The following GABRB3 variants were observed in gnomAD, a reference collection of about 807,000 sequenced individuals.
GABRB3 encodes gamma-aminobutyric acid receptor subunit beta-3.
Under a neutral mutation model 52.1 loss-of-function variants are expected in GABRB3, and 14 were observed. The observed-to-expected ratio is 0.27, with a 90% CI of 0.18 to 0.42. GABRB3 has a LOEUF of 0.42. Ranked by LOEUF, GABRB3 falls within the 10% of genes least tolerant of loss-of-function variation. The pLI, the probability that GABRB3 is intolerant of heterozygous loss-of-function variation, is 1.00. For synonymous variants in GABRB3, 260 were observed against 232.3 expected, an observed-to-expected ratio of 1.12 and a Z score of -1.08; for missense variants, 307 against 609.1, an observed-to-expected ratio of 0.50 and a Z score of 5.22.
At chr15:26,662,077 T>C (rs975011008) in intron 3 of GABRB3, among the ~76,000 whole-genome samples, 2 of 152,160 alleles carry the variant, frequency 1.3e-5, no homozygotes, top group African/African-American at 4.8e-5. Context: ...TTAATAACCA[T>C]CAAAACACAA....
chr15:26,705,770 A>G (rs1032611714), intron 3 of GABRB3, among the ~76,000 whole-genome samples: 1 of 152,198 alleles, frequency 6.6e-6, no homozygotes, highest in South Asian at 2.1e-4. Context: ...GGGTAGATGA[A>G]TATGTTCATT....
upstream of GABRB3, chr15:26,773,634 C>G: frequency 4.5e-6 from 7 of 1,554,962 alleles, no homozygotes; most frequent in Non-Finnish European, 6.1e-6. Flanking sequence ...GCCGGGAAGC[C>G]CCCGCCTCAC....
At chr15:26,739,051 A>G (rs1473645238) in intron 3 of GABRB3, among the ~76,000 whole-genome samples, 1 of 152,178 alleles carries the variant, frequency 6.6e-6, no homozygotes, top group African/African-American at 2.4e-5. Flanking sequence ...TAGGAGCTCA[A>G]ATATGGGCTT....
intron 4 of GABRB3, among the ~76,000 whole-genome samples, chr15:26,592,534 G>A (rs931213712): frequency 2.0e-5 from 3 of 152,274 alleles, no homozygotes; most frequent in Admixed American, 6.5e-5. Context: ...CAAGAAGAAC[G>A]GGGAGGCAAA....
rs558336153 is a variant in GABRB3 at position 26,586,704 on chromosome 15, A to AAAAAAGAG, written c.462-3291_462-3290insCTCTTTTT. ...TCCATCTCAAAAAAAAAAAAAAAAA[A>AAAAAAGAG]AGAGAGAGAGAGAAAGCGAAGAAGG... On this transcript the variant is annotated intron_variant, in intron 4 of 8. Transcript: ENST00000311550. 1.3e-4 allele frequency among the ~76,000 whole-genome samples: 13 copies of AAAAAAGAG among 102,298 alleles called. No individual in the cohort carries two copies. The East Asian group carries it at 2.0e-3, about 16-fold the overall frequency. The allele number at this position is 102,298 out of a possible 152,430, so 67.1% of individuals were successfully genotyped here.
chr15:26,769,837 G>T lies in GABRB3; in HGVS notation c.240+2565C>A, dbSNP rs1891098722. Reference sequence around the variant, plus strand: ...ATGGGACTTGCCACATCCTACCTGTGAACAACCGTTTGTCATATCTGCTCT... The same window carrying T: ...ATGGGACTTGCCACATCCTACCTGTTAACAACCGTTTGTCATATCTGCTCT... On this transcript the variant is annotated intron_variant, in intron 3 of 8. Transcript: ENST00000311550. 3.9e-5 allele frequency among the ~76,000 whole-genome samples: 6 copies of T among 152,042 alleles called. No homozygotes were observed. In the South Asian group the frequency reaches 1.0e-3, roughly 26 times the overall value.
chr15:26,548,869 A>G (rs1342868488), intron 8 of GABRB3, among the ~76,000 whole-genome samples: 2 of 152,164 alleles, frequency 1.3e-5, no homozygotes, highest in African/African-American at 4.8e-5. Context: ...GGAACTTTCA[A>G]CCTTTCACAG....
intron 3 of GABRB3, among the ~76,000 whole-genome samples, chr15:26,703,075 G>T (rs1351051154): frequency 6.6e-6 from 1 of 152,122 alleles, no homozygotes; most frequent in Non-Finnish European, 1.5e-5. Context: ...TCCCATTCAG[G>T]AAGGCTCTGA....
chr15:26,557,793 A>G (rs973693560), intron 8 of GABRB3: 1 of 152,216 alleles, frequency 6.6e-6, no homozygotes, highest in Non-Finnish European at 1.5e-5. Context: ...AAAACCAAAC[A>G]ATAAACATGG....
intron 3 of GABRB3, among the ~76,000 whole-genome samples, chr15:26,710,754 G>A (rs1170499259): frequency 6.6e-6 from 1 of 152,120 alleles, no homozygotes; most frequent in Non-Finnish European, 1.5e-5. Context: ...TACAAAGAGT[G>A]TGCCCATTTT....
At chr15:26,598,026 A>C (rs1891459027) in intron 4 of GABRB3, among the ~76,000 whole-genome samples, 1 of 152,202 alleles carries the variant, frequency 6.6e-6, no homozygotes, top group African/African-American at 2.4e-5. Context: ...CTAAATCTGA[A>C]TTTAGTATTA....
chr15:26,604,183 T>G (rs1159654033), intron 4 of GABRB3, among the ~76,000 whole-genome samples: 1 of 151,942 alleles, frequency 6.6e-6, no homozygotes, highest in Admixed American at 6.6e-5. Flanking sequence ...CAAATAAAAT[T>G]AAATACCTAT....
At chr15:26,593,981 A>AATATATATCTATATATAT (rs1891301104) in intron 4 of GABRB3, among the ~76,000 whole-genome samples, 1 of 133,972 alleles carries the variant, frequency 7.5e-6, no homozygotes, top group Non-Finnish European at 1.6e-5. Context: ...CTCATTTTAA[A>AATATATATCTATATATAT]ATATATATAT....
chr15:26,548,261 T>C lies in GABRB3; in HGVS notation c.1081-127A>G, dbSNP rs573647938. 4.4e-5 allele frequency: 35 copies of C among 788,182 alleles called. No homozygotes were observed. The African/African-American group carries it at 5.6e-4, about 13-fold the overall frequency. 48.8% of individuals were successfully genotyped at this position (788,182 alleles called of 1,614,324 possible). ...TACGAGAAACTGTACATCTGTCAAA[T>C]CCAGCACTCCGTTTTATTGGAAAAT... is the stretch of plus-strand genomic sequence containing the variant. On this transcript the variant is annotated intron_variant, in intron 8 of 8. Coordinates refer to ENST00000311550, the MANE Select transcript of GABRB3 (RefSeq NM_000814.6).
chr15:26,640,421 G>A (rs1446736597), intron 3 of GABRB3, among the ~76,000 whole-genome samples: 2 of 152,112 alleles, frequency 1.3e-5, no homozygotes, highest in Non-Finnish European at 2.9e-5. Flanking sequence ...GGAGGCTGAG[G>A]CAGGAGAATG....
At chr15:26,549,293 G>C (rs374919207) in intron 8 of GABRB3, among the ~76,000 whole-genome samples, 12 of 152,286 alleles carry the variant, frequency 7.9e-5, no homozygotes, top group South Asian at 4.1e-4. Flanking sequence ...GCCTGAGAAG[G>C]CGCCGGGCCT....
intron 3 of GABRB3, among the ~76,000 whole-genome samples, chr15:26,710,591 T>C (rs1175323867): frequency 1.3e-5 from 2 of 152,222 alleles, no homozygotes; most frequent in East Asian, 1.9e-4. Context: ...TGCTGGGTCA[T>C]ACAGTAACGC....
intron 3 of GABRB3, among the ~76,000 whole-genome samples, chr15:26,673,423 C>G (rs1887959949): frequency 6.6e-6 from 1 of 152,198 alleles, no homozygotes; most frequent in Non-Finnish European, 1.5e-5. Context: ...CTGCATTTAT[C>G]TCTATTACTT....
chr15:26,654,398 G>C (rs559191572), intron 3 of GABRB3, among the ~76,000 whole-genome samples: 7 of 152,232 alleles, frequency 4.6e-5, no homozygotes, highest in Admixed American at 2.6e-4. Flanking sequence ...TGCCTGCCTT[G>C]GCCTCCCAAA....
Sources: allele counts gnomAD v4.1 joint callset (sites outside exome capture counted in the v4.1 genomes callset), GRCh38; gene constraint gnomAD v4.1.1; transcripts MANE v1.5; gene names NCBI Gene and HGNC (gene_info 2026-07-23, HGNC 2026-07-21).